The following TRAT1 variants were observed in gnomAD, a reference collection of about 807,000 sequenced individuals.
TRAT1 encodes T cell receptor associated transmembrane adaptor 1.
Under a neutral mutation model 20.0 loss-of-function variants are expected in TRAT1, and 20 were observed. The ratio of observed to expected loss-of-function variants is 1.00; its 90% CI spans 0.70 to 1.45. The LOEUF (loss-of-function observed/expected upper bound fraction) is 1.45. TRAT1 is among the 40% of genes most tolerant of loss of function. TRAT1 has a pLI of 0.00. For missense variants in TRAT1, 237 were observed against 224.1 expected, an observed-to-expected ratio of 1.06 and a Z score of -0.37; for synonymous variants, 77 against 74.2, an observed-to-expected ratio of 1.04 and a Z score of -0.20.
At chr3:108,836,375 G>T (rs1576520400) in intron 2 of TRAT1, among the ~76,000 whole-genome samples, 1 of 152,050 alleles carries the variant, frequency 6.6e-6, no homozygotes, top group African/African-American at 2.4e-5. Flanking sequence ...TTCTTATTAA[G>T]CAATGACACT....
At chr3:108,824,924 A>C (rs1054539686) in intron 1 of TRAT1, among the ~76,000 whole-genome samples, 6 of 152,226 alleles carry the variant, frequency 3.9e-5, no homozygotes, top group Non-Finnish European at 8.8e-5. Context: ...AATTTAGAAC[A>C]GATATGGTAA....
At chr3:108,840,485 T>C (rs1945884259) in intron 3 of TRAT1, among the ~76,000 whole-genome samples, 1 of 151,598 alleles carries the variant, frequency 6.6e-6, no homozygotes, top group African/African-American at 2.4e-5. Flanking sequence ...AGAGGGAAAA[T>C]TGGTAAAATA....
At chr3:108,827,562 T>G (rs1290811985) in intron 1 of TRAT1, among the ~76,000 whole-genome samples, 1 of 152,090 alleles carries the variant, frequency 6.6e-6, no homozygotes, top group Admixed American at 6.6e-5. Flanking sequence ...ATATTAAGAA[T>G]GTCATAAAAT....
At chr3:108,833,572 A>C (rs1945813875) in intron 2 of TRAT1, among the ~76,000 whole-genome samples, 1 of 152,182 alleles carries the variant, frequency 6.6e-6, no homozygotes, top group Non-Finnish European at 1.5e-5. Context: ...TTTTAAGAAA[A>C]CAGTGAACAA....
chr3:108,850,045 G>C (rs1945983515), intron 5 of TRAT1, among the ~76,000 whole-genome samples: 1 of 152,136 alleles, frequency 6.6e-6, no homozygotes, highest in African/African-American at 2.4e-5. Flanking sequence ...TGTTGGTCTT[G>C]TACTATGTGC....
chr3:108,854,179 A>C lies in TRAT1; in HGVS notation c.*302A>C, dbSNP rs538805036. On this transcript the variant is annotated 3_prime_UTR_variant, in exon 6 of 6. Coordinates refer to ENST00000295756, the MANE Select transcript of TRAT1 (RefSeq NM_016388.4). ...AGACCCAGCTTGAAAATTGAGCCTG[A>C]TAACAAGATTACAAATTCACAATAC... is the stretch of plus-strand genomic sequence containing the variant. 2.0e-5 allele frequency: 5 copies of C among 244,794 alleles called. No homozygotes were observed. In the East Asian group the frequency reaches 3.7e-4, roughly 18 times the overall value. 15.2% of individuals were successfully genotyped at this position (244,794 alleles called of 1,614,324 possible).
At chr3:108,830,585 A>G in intron 1 of TRAT1, 85 bp from the exon 2 acceptor site, 1 of 844,384 alleles carries the variant, frequency 1.2e-6, no homozygotes, top group South Asian at 1.4e-5. Context: ...GAATAAATGC[A>G]ACAGCTTTAA....
At chr3:108,835,439 T>C (rs1403192947) in intron 2 of TRAT1, among the ~76,000 whole-genome samples, 2 of 152,214 alleles carry the variant, frequency 1.3e-5, no homozygotes, top group Admixed American at 6.5e-5. Context: ...TATTTTTAAA[T>C]AAACTTTTGA....
At chr3:108,825,923 T>C (rs970602835) in intron 1 of TRAT1, among the ~76,000 whole-genome samples, 4 of 152,112 alleles carry the variant, frequency 2.6e-5, no homozygotes, top group African/African-American at 9.7e-5. Context: ...AGTATACATA[T>C]AAATGAAGTC....
rs552362011 is a variant in TRAT1, at chr3:108,853,910, C to T, written c.*33C>T. The T allele has an allele frequency of 1.2e-6, 2 of 1,603,606 alleles. No individual in the cohort carries two copies. The highest frequency in any genetic ancestry group is 4.5e-5 in the East Asian group (2 of 44,740). On this transcript the variant is annotated 3_prime_UTR_variant, in exon 6 of 6. Transcript: ENST00000295756. ...ATGATCTAGTTCAATGATTTGGCTC[C>T]TATTGAAGATGGCTTCTAAGAAAAC...
intron 3 of TRAT1, among the ~76,000 whole-genome samples, chr3:108,844,866 AAAAG>A (rs1480739672): frequency 1.1e-3 from 147 of 138,378 alleles, no homozygotes; most frequent in Middle Eastern, 3.9e-3. Flanking sequence ...AAAAAAAAAA[AAAAG>A]AAATACGTGT....
chr3:108,837,258 A>G (rs1945849108), intron 2 of TRAT1, among the ~76,000 whole-genome samples: 1 of 152,188 alleles, frequency 6.6e-6, no homozygotes, highest in Non-Finnish European at 1.5e-5. Flanking sequence ...TCTGGACTAG[A>G]AGTATGTTTC....
rs539462137 is a variant in TRAT1 at position 108,826,316 on chromosome 3, C to T, written c.7+3382C>T. Among the ~76,000 whole-genome samples, 346 of 152,184 alleles carry T rather than the reference C, an allele frequency of 2.3e-3. 2 individuals are homozygous for T. Among genetic ancestry groups the T allele is most frequent in the Middle Eastern group, 6.8e-3 (2 of 294 alleles). On this transcript the variant is annotated intron_variant, in intron 1 of 5. Coordinates refer to ENST00000295756, the MANE Select transcript of TRAT1 (RefSeq NM_016388.4). ...CTAATATTACTATTTTCTCTTTCCCCATCACAGCCCACTCCCCAACACACA... is the reference window on the plus strand; with the variant it reads ...CTAATATTACTATTTTCTCTTTCCCTATCACAGCCCACTCCCCAACACACA...
intron 3 of TRAT1, among the ~76,000 whole-genome samples, chr3:108,839,721 T>C (rs1945875920): frequency 6.6e-6 from 1 of 152,120 alleles, no homozygotes; most frequent in African/African-American, 2.4e-5. Flanking sequence ...TTTGTAGAGT[T>C]AATGTCAATC....
intron 1 of TRAT1, among the ~76,000 whole-genome samples, chr3:108,823,725 T>TTATAATAATGTAC (rs1176639671): frequency 1.3e-5 from 2 of 152,202 alleles, no homozygotes; most frequent in African/African-American, 2.4e-5. Flanking sequence ...ATGTACATAA[T>TTATAATAATGTAC]ATATCCAGCT....
chr3:108,839,506 C>T (rs376726391), intron 3 of TRAT1, among the ~76,000 whole-genome samples: 1 of 151,954 alleles, frequency 6.6e-6, no homozygotes, highest in African/African-American at 2.4e-5. Flanking sequence ...ATTAGCTGGG[C>T]GTGGTGGCAC....
chr3:108,852,416 C>T (rs1946006233), intron 5 of TRAT1, among the ~76,000 whole-genome samples: 2 of 152,098 alleles, frequency 1.3e-5, no homozygotes, highest in African/African-American at 4.8e-5. Flanking sequence ...CACACACACA[C>T]ACACACAGCA....
rs192586667 is a variant in TRAT1, at chr3:108,831,290, G to C, written c.118+510G>C. The stretch of plus-strand genomic sequence containing the variant: ...TGTCAAACACTCCCAGAGTCTAGGA[G>C]AGGTCAAGAGTATCTGCCACTGTCA... On this transcript the variant is annotated intron_variant, in intron 2 of 5. Transcript: ENST00000295756. 3.9e-5 allele frequency among the ~76,000 whole-genome samples: 6 copies of C among 152,332 alleles called. No homozygotes were observed. The East Asian group carries it at 1.2e-3, about 29-fold the overall frequency.
intron 2 of TRAT1, among the ~76,000 whole-genome samples, chr3:108,831,850 T>C (rs140975980): frequency 0.011 from 1,683 of 152,142 alleles, 32 homozygotes; most frequent in African/African-American, 0.036. Flanking sequence ...GCCTGGAAGG[T>C]GTTTAAATAC....
Sources: allele counts gnomAD v4.1 joint callset (sites outside exome capture counted in the v4.1 genomes callset), GRCh38; gene constraint gnomAD v4.1.1; transcripts MANE v1.5; gene names NCBI Gene and HGNC (gene_info 2026-07-23, HGNC 2026-07-21).